PDE12: variants seen among roughly 807,000 people sequenced by gnomAD.
PDE12 encodes the protein phosphodiesterase 12.
PDE12 carries 26 observed loss-of-function variants against 45.4 expected under a neutral mutation model. The observed-to-expected ratio is 0.57, with a 90% confidence interval of 0.42 to 0.79. The LOEUF (loss-of-function observed/expected upper bound fraction) is 0.79, where lower values mean the gene tolerates loss of function less well. PDE12 is among the 30% of genes least tolerant of loss of function. PDE12 has a pLI of 0.00. For synonymous variants in PDE12, 283 were observed against 323.9 expected, an observed-to-expected ratio of 0.87 and a Z score of 1.36; for missense variants, 668 against 790.0, an observed-to-expected ratio of 0.85 and a Z score of 1.85.
intron 1 of PDE12, among the ~76,000 whole-genome samples, chr3:57,558,954 G>A (rs1013864940): frequency 2.6e-5 from 4 of 151,600 alleles, no homozygotes; most frequent in Admixed American, 2.6e-4. Flanking sequence ...GGGCCTGGTG[G>A]CTTATGCCTG....
Position 57,561,660 on chromosome 3 carries a change from C to T in PDE12, c.*1656C>T, listed in dbSNP as rs145587463. ...AATTAATAGCTCGAGTATTAAAAGC[C>T]CACTCCCTTCAAGAAAAGCTTTGAT... On this transcript the variant is annotated 3_prime_UTR_variant, in exon 3 of 3. Coordinates refer to ENST00000311180, the MANE Select transcript of PDE12 (RefSeq NM_177966.7). The T allele has an allele frequency of 2.3e-3, 2,237 of 984,746 alleles. 49 individuals are homozygous for T. In the African/African-American group the frequency reaches 0.035, roughly 16 times the overall value. The allele number at this position is 984,746 out of a possible 1,614,324, so 61.0% of individuals were successfully genotyped here.
At chr3:57,646,937 T>A in the PDE12 span, among the ~76,000 whole-genome samples, 1 of 152,208 alleles carries the variant, frequency 6.6e-6, no homozygotes, top group Non-Finnish European at 1.5e-5. Flanking sequence ...CCTGGGCAGA[T>A]ACTCCCTCTA....
the PDE12 span, among the ~76,000 whole-genome samples, chr3:57,646,973 AG>A: frequency 6.6e-6 from 1 of 152,216 alleles, no homozygotes; most frequent in African/African-American, 2.4e-5. Flanking sequence ...TTTTTACAGC[AG>A]CCCTGGAATT....
the PDE12 span, among the ~76,000 whole-genome samples, chr3:57,617,361 G>T: frequency 7.1e-6 from 1 of 141,786 alleles, no homozygotes; most frequent in Non-Finnish European, 1.6e-5. Context: ...CTATGATCAA[G>T]CCACTGCACT....
At chr3:57,577,653 T>C in the PDE12 span, among the ~76,000 whole-genome samples, 1 of 152,222 alleles carries the variant, frequency 6.6e-6, no homozygotes, top group African/African-American at 2.4e-5. Flanking sequence ...TGTATCTATT[T>C]TTCCCCTTCC....
the PDE12 span, among the ~76,000 whole-genome samples, chr3:57,620,094 C>T: frequency 1.3e-5 from 2 of 151,402 alleles, no homozygotes; most frequent in Admixed American, 6.6e-5. Context: ...CAGTGGCGGG[C>T]GCCTGTAATC....
the PDE12 span, chr3:57,633,345 G>C: frequency 6.2e-7 from 1 of 1,613,384 alleles, no homozygotes; most frequent in Non-Finnish European, 8.5e-7. Flanking sequence ...GGACGTTTCT[G>C]TTGTACACCC....
chr3:57,590,878 G>A, the PDE12 span, among the ~76,000 whole-genome samples: 2 of 152,110 alleles, frequency 1.3e-5, no homozygotes, highest in Non-Finnish European at 2.9e-5. Flanking sequence ...ATGAGGTCTT[G>A]CCATGGTATG....
At chr3:57,608,896 C>T in the PDE12 span, among the ~76,000 whole-genome samples, 1 of 152,204 alleles carries the variant, frequency 6.6e-6, no homozygotes, top group Non-Finnish European at 1.5e-5. Context: ...ACCTAATAGA[C>T]ATCTACAGAA....
chr3:57,575,632 A>T, the PDE12 span: 1 of 1,613,538 alleles, frequency 6.2e-7, no homozygotes. Context: ...GTTTGTTTGC[A>T]AAAAGTAGCA....
At chr3:57,616,148 C>A in the PDE12 span, among the ~76,000 whole-genome samples, 6 of 151,966 alleles carry the variant, frequency 3.9e-5, no homozygotes, top group Non-Finnish European at 8.8e-5. Flanking sequence ...CATGGCAAAA[C>A]CTCATCTCTA....
the PDE12 span, among the ~76,000 whole-genome samples, chr3:57,615,483 A>C: frequency 5.3e-5 from 8 of 152,142 alleles, no homozygotes; most frequent in Admixed American, 2.0e-4. Context: ...AATTAAAACC[A>C]AAGTAAACAA....
At chr3:57,584,281 A>G in the PDE12 span, 4 of 1,130,172 alleles carry the variant, frequency 3.5e-6, no homozygotes, top group East Asian at 7.1e-5. Flanking sequence ...AAGTACTTCT[A>G]AGATAATCAA....
At chr3:57,559,145 C>T (rs929067077) in intron 1 of PDE12, among the ~76,000 whole-genome samples, 165 bp from the exon 2 acceptor site, 51 of 152,034 alleles carry the variant, frequency 3.4e-4, no homozygotes, top group African/African-American at 1.2e-3. Flanking sequence ...CGCTTGAACC[C>T]GGGAGGCGGA....
chr3:57,630,615 T>C, the PDE12 span: 111 of 1,523,968 alleles, frequency 7.3e-5, 1 homozygote, highest in Non-Finnish European at 9.5e-5. Context: ...TGTCAAACTT[T>C]AGTAGAATTT....
At chr3:57,644,978 C>T in the PDE12 span, among the ~76,000 whole-genome samples, 89 of 151,828 alleles carry the variant, frequency 5.9e-4, no homozygotes, top group South Asian at 9.2e-3. Flanking sequence ...AAGTGGAGAT[C>T]GTACATGCAG....
chr3:57,619,895 C>T, the PDE12 span, among the ~76,000 whole-genome samples: 630 of 151,534 alleles, frequency 4.2e-3, 6 homozygotes, highest in African/African-American at 0.015. Context: ...AAAAGAACAT[C>T]TATAAAAAAC....
the PDE12 span, chr3:57,572,439 G>T: frequency 1.6e-6 from 1 of 618,374 alleles, no homozygotes; most frequent in Non-Finnish European, 2.8e-6. Flanking sequence ...GCTACTTCTG[G>T]CTGGGCGTGG....
the PDE12 span, among the ~76,000 whole-genome samples, chr3:57,613,280 TA>T: frequency 1.4e-3 from 156 of 109,316 alleles, no homozygotes; most frequent in Admixed American, 7.7e-3. Flanking sequence ...TGCCTGGCCA[TA>T]AAAAAAAAAA....
Sources: allele counts gnomAD v4.1 joint callset (sites outside exome capture counted in the v4.1 genomes callset), GRCh38; gene constraint gnomAD v4.1.1; transcripts MANE v1.5; gene names NCBI Gene and HGNC (gene_info 2026-07-23, HGNC 2026-07-21).